Variants in BHLHE40 observed in about 807,000 individuals in gnomAD.
BHLHE40 encodes the protein class E basic helix-loop-helix protein 40.
BHLHE40 carries 3 observed loss-of-function variants against 35.7 expected under a neutral mutation model. The observed-to-expected ratio is 0.08, with a 90% CI of 0.04 to 0.22. The LOEUF (loss-of-function observed/expected upper bound fraction) is 0.22. Ranked by LOEUF, BHLHE40 falls within the 10% of genes least tolerant of loss-of-function variation. BHLHE40 has a pLI of 1.00. For missense variants in BHLHE40, 486 were observed against 524.0 expected (o/e 0.93, Z 0.71); for synonymous variants, 236 against 213.0 (o/e 1.11, Z -0.94).
chr3:4,984,648 C>G lies in BHLHE40; in HGVS notation c.*956C>G. 1 of 152,688 alleles carries G rather than the reference C, an allele frequency of 6.5e-6. No homozygotes were observed. The allele number at this position is 152,688 out of a possible 1,614,324, so 9.5% of individuals were successfully genotyped here. A position where few individuals can be genotyped will look rare whatever the true frequency, so the allele number is the denominator to read the frequency against. The stretch of plus-strand genomic sequence containing the variant: ...CAAGCTTAGCTTCTCAAAGGCCTAA[C>G]CAAGCCTTGGCACCGCCAGATCCTT... On this transcript the variant is annotated 3_prime_UTR_variant, in exon 5 of 5. Transcript: ENST00000256495.
chr3:4,980,094 A>G, intron 2 of BHLHE40, 63 bp downstream of exon 2: 1 of 1,573,354 alleles, frequency 6.4e-7, no homozygotes. Flanking sequence ...GTTTCCAAGA[A>G]AAGTTTTCTC....
At chr3:4,981,700 G>A (rs2053199117) in intron 4 of BHLHE40, 185 bp downstream of exon 4, 1 of 684,238 alleles carries the variant, frequency 1.5e-6, no homozygotes, top group Non-Finnish European at 2.4e-6. Context: ...GTGCCACCTG[G>A]CATGAATACG....
In BHLHE40 at chr3:4,984,096, T is replaced by C. The variant is rs2053226701; in HGVS notation, c.*404T>C. The stretch of plus-strand genomic sequence containing the variant: ...TCAGTTTGGGAGCTGGGTCTGTGGC[T>C]TTGATCAGAAGGTACTTTCAAAAGA... On this transcript the variant is annotated 3_prime_UTR_variant, in exon 5 of 5. Coordinates refer to ENST00000256495, the MANE Select transcript of BHLHE40 (RefSeq NM_003670.3). 6.0e-6 allele frequency: 1 copy of C among 167,100 alleles called. No individual in the cohort carries two copies. The highest frequency in any genetic ancestry group is 2.4e-5 in the African/African-American group (1 of 41,774). The allele number at this position is 167,100 out of a possible 1,614,324, so 10.4% of individuals were successfully genotyped here. A position where few individuals can be genotyped will look rare whatever the true frequency, so the allele number is the denominator to read the frequency against.
In BHLHE40 at chr3:4,983,850, G is replaced by GTATGTGTA; in HGVS notation, c.*159_*160insATGTGTAT. On this transcript the variant is annotated 3_prime_UTR_variant, in exon 5 of 5. Coordinates refer to ENST00000256495, the MANE Select transcript of BHLHE40 (RefSeq NM_003670.3). This position sits in a 1 kb window ranked among gnomAD's most constrained non-coding sequence, Gnocchi z 5.0. Reference sequence around the variant, plus strand: ...TCAGGGTGTGTGTGTGTGTGTGTGTGTGTGTATGTGCGTGTGCGTGCACAT... The same window carrying GTATGTGTA: ...TCAGGGTGTGTGTGTGTGTGTGTGTGTATGTGTATGTGTATGTGCGTGTGCGTGCACAT... The GTATGTGTA allele has an allele frequency of 1.0e-6, 1 of 957,554 alleles. No individual in the cohort carries two copies. Among genetic ancestry groups the GTATGTGTA allele is most frequent in the Non-Finnish European group, 1.5e-6 (1 of 658,124 alleles). The allele number at this position is 957,554 out of a possible 1,614,324, so 59.3% of individuals were successfully genotyped here. A position where few individuals can be genotyped will look rare whatever the true frequency, so the allele number is the denominator to read the frequency against.
Position 4,982,831 on chromosome 3 carries a change from C to T in BHLHE40, c.383-5C>T, listed in dbSNP as rs774521888. 6.2e-7 allele frequency: 1 copy of T among 1,613,632 alleles called. No individual in the cohort carries two copies. The highest frequency in any genetic ancestry group is 8.5e-7 in the Non-Finnish European group (1 of 1,179,914). ...ACGTTTTCCTTCGGATTTTTCTTTC[C>T]CCAGGTGAGCTGTCAGGGAGAAATG... On this transcript the variant is annotated splice_polypyrimidine_tract_variant and splice_region_variant and intron_variant, in intron 4 of 4. Transcript: ENST00000256495.
rs747704238 is a variant in BHLHE40, at chr3:4,983,411, C to G, written c.958C>G (p.Pro320Ala). 6.2e-7 allele frequency: 1 copy of G among 1,614,230 alleles called. No individual in the cohort carries two copies. Among genetic ancestry groups the G allele is most frequent in the Non-Finnish European group, 8.5e-7 (1 of 1,180,042 alleles). Residue 320 changes from proline (P) to alanine (A), a missense_variant, in exon 5 of 5, where the codon CCT becomes GCT. By Grantham distance (27) the Pro-to-Ala change is conservative. Around this residue, in one of 5 missense-constraint regions of BHLHE40, gnomAD observed 206 missense variants for 208.9 expected, o/e 0.99. Coordinates refer to ENST00000256495, the MANE Select transcript of BHLHE40 (RefSeq NM_003670.3). This position sits in a 1 kb window ranked among gnomAD's most constrained non-coding sequence, Gnocchi z 5.0. ...PFLGPHPHQPPFCLPFYLIPP... is the reference protein window; with the variant it reads ...PFLGPHPHQPAFCLPFYLIPP... ...CCTGGGCCCACACCCACACCAGCCTCCTTTCTGCCTGCCCTTCTACCTGAT... is the reference window on the plus strand; with the variant it reads ...CCTGGGCCCACACCCACACCAGCCTGCTTTCTGCCTGCCCTTCTACCTGAT...
Position 4,983,234 on chromosome 3 carries a change from T to C in BHLHE40, c.781T>C (p.Phe261Leu). 6.2e-7 allele frequency: 1 copy of C among 1,614,156 alleles called. No individual in the cohort carries two copies. The highest frequency in any genetic ancestry group is 8.5e-7 in the Non-Finnish European group (1 of 1,180,032). The change falls in exon 5 of 5, where the codon TTC becomes CTC. Residue 261 changes from phenylalanine (F) to leucine (L), a missense_variant. Physicochemically the swap from Phe to Leu is conservative, Grantham distance 22 (BLOSUM62 0). This residue lies in a region of BHLHE40 where 206 missense variants were observed against 208.9 expected (regional missense o/e 0.99). Coordinates refer to ENST00000256495, the MANE Select transcript of BHLHE40 (RefSeq NM_003670.3). This position sits in a 1 kb window ranked among gnomAD's most constrained non-coding sequence, Gnocchi z 5.0. ...KGDLRSEQPC[F>L]KSDHGRRFTM... ...CGACTTGCGCAGTGAGCAGCCGTGC[T>C]TCAAAAGTGACCACGGACGCAGGTT...
Position 4,983,584 on chromosome 3 carries a change from G to A in BHLHE40, c.1131G>A (p.Met377Ile), listed in dbSNP as rs925770295. Residue 377 changes from methionine (M) to isoleucine (I), a missense_variant, in exon 5 of 5, where the codon ATG becomes ATA. Met to Ile is a conservative substitution (Grantham distance 10). Coordinates refer to ENST00000256495, the MANE Select transcript of BHLHE40 (RefSeq NM_003670.3). This position sits in a 1 kb window ranked among gnomAD's most constrained non-coding sequence, Gnocchi z 5.0. ...NPDKISAPLL[M>I]PQRLPSPLPA... The stretch of plus-strand genomic sequence containing the variant: ...ACAAGATCTCGGCTCCCTTGCTCAT[G>A]CCCCAGAGACTCCCTTCTCCCTTGC... The A allele has an allele frequency of 1.7e-5, 27 of 1,613,958 alleles. No individual in the cohort carries two copies. The African/African-American group carries it at 2.0e-4, about 12-fold the overall frequency.
At chr3:4,981,565 G>C in intron 4 of BHLHE40, 50 bp downstream of exon 4, 1 of 1,596,034 alleles carries the variant, frequency 6.3e-7, no homozygotes, top group Non-Finnish European at 8.5e-7. Flanking sequence ...AGTGCAAATA[G>C]AGAGCCCGTG....
chr3:4,984,654 C>T lies in BHLHE40; in HGVS notation c.*962C>T, dbSNP rs1001837553. ...TAGCTTCTCAAAGGCCTAACCAAGC[C>T]TTGGCACCGCCAGATCCTTTCTGTA... On this transcript the variant is annotated 3_prime_UTR_variant, in exon 5 of 5. Coordinates refer to ENST00000256495, the MANE Select transcript of BHLHE40 (RefSeq NM_003670.3). 1 of 152,688 alleles carries T rather than the reference C, an allele frequency of 6.5e-6. No homozygotes were observed. The highest frequency in any genetic ancestry group is 2.4e-5 in the African/African-American group (1 of 41,468). 9.5% of individuals were successfully genotyped at this position (152,688 alleles called of 1,614,324 possible).
Position 4,979,736 on chromosome 3 carries a change from C to G in BHLHE40, c.18C>G (p.Ser6Arg). The change falls in exon 1 of 5, where the codon AGC becomes AGG. Residue 6 changes from serine (S) to arginine (R), a missense_variant. Physicochemically the swap from Ser to Arg is moderately radical, Grantham distance 110. This residue lies in a region of BHLHE40 where 87 missense variants were observed against 66.7 expected (regional missense o/e 1.30). Coordinates refer to ENST00000256495, the MANE Select transcript of BHLHE40 (RefSeq NM_003670.3). MERIP[S>R]AQPPPACLPK... is the part of the protein sequence containing the mutation. ...GCCGCGCCATGGAGCGGATCCCCAG[C>G]GCGCAACCACCCCCCGCCTGCCTGC... 1.3e-6 allele frequency: 2 copies of G among 1,569,100 alleles called. No individual in the cohort carries two copies. The highest frequency in any genetic ancestry group is 1.7e-6 in the Non-Finnish European group (2 of 1,157,244).
Position 4,983,126 on chromosome 3 carries a change from C to T in BHLHE40, c.673C>T (p.Arg225Trp), listed in dbSNP as rs143259396. The change falls in exon 5 of 5, where the codon CGG (arginine) becomes TGG (tryptophan). Residue 225 changes from arginine (R) to tryptophan (W), a missense_variant. Around this residue, in one of 5 missense-constraint regions of BHLHE40, gnomAD observed 176 missense variants for 180.5 expected, o/e 0.98. Transcript: ENST00000256495. This position sits in a 1 kb window ranked among gnomAD's most constrained non-coding sequence, Gnocchi z 5.0. Reference protein sequence around the residue: ...PGKNCVPVIQRTFAHSSGEQS... With the variant: ...PGKNCVPVIQWTFAHSSGEQS... Reference sequence around the variant, plus strand: ...GAAAAACTGCGTGCCAGTCATCCAGCGGACTTTCGCTCACTCGAGTGGGGA... The same window carrying T: ...GAAAAACTGCGTGCCAGTCATCCAGTGGACTTTCGCTCACTCGAGTGGGGA... The T allele has an allele frequency of 3.0e-5, 48 of 1,613,990 alleles. No individual in the cohort carries two copies. In the African/African-American group the frequency reaches 3.9e-4, roughly 13 times the overall value.
Position 4,982,892 on chromosome 3 carries a change from C to A in BHLHE40, c.439C>A (p.Gln147Lys). The A allele has an allele frequency of 6.2e-7, 1 of 1,614,138 alleles. No homozygotes were observed. The highest frequency in any genetic ancestry group is 8.5e-7 in the Non-Finnish European group (1 of 1,180,048). ...TGQEMFCSGF[Q>K]TCAREVLQYL... The stretch of plus-strand genomic sequence containing the variant: ...TCAAGAGATGTTCTGCTCAGGTTTC[C>A]AGACATGTGCCCGGGAGGTGCTTCA... Residue 147 changes from glutamine to lysine, a missense_variant, in exon 5 of 5, where the codon CAG becomes AAG. Physicochemically the swap from Gln to Lys is moderately conservative, Grantham distance 53. This residue lies in a region of BHLHE40 where 176 missense variants were observed against 180.5 expected (regional missense o/e 0.98). Transcript: ENST00000256495.
rs747785156 is a variant in BHLHE40 at position 4,980,038 on chromosome 3, A to T, written c.150+7A>T. On this transcript the variant is annotated splice_region_variant and intron_variant, in intron 2 of 4. Coordinates refer to ENST00000256495, the MANE Select transcript of BHLHE40 (RefSeq NM_003670.3). ...GCGGAGCGAGGACAGCAAGGTAAGC[A>T]AGTGCACCCCTAGGGACCCTGCGCT... 29 of 1,613,988 alleles carry T rather than the reference A, an allele frequency of 1.8e-5. No homozygotes were observed. The South Asian group carries it at 3.0e-4, about 16-fold the overall frequency.
intron 4 of BHLHE40, among the ~76,000 whole-genome samples, chr3:4,981,810 T>C (rs1261091782): frequency 6.6e-6 from 1 of 152,256 alleles, no homozygotes; most frequent in African/African-American, 2.4e-5. Context: ...AAGGCACCTA[T>C]AATTTGCATT....
Position 4,983,896 on chromosome 3 carries a change from A to G in BHLHE40, c.*204A>G. On this transcript the variant is annotated 3_prime_UTR_variant, in exon 5 of 5. Transcript: ENST00000256495. This position sits in a 1 kb window ranked among gnomAD's most constrained non-coding sequence, Gnocchi z 5.0. ...CACATGTGTGCCTGCGTGTTGGTATAGGACTTTAAAGCTCCTTTTGGCATA... is the reference window on the plus strand; with the variant it reads ...CACATGTGTGCCTGCGTGTTGGTATGGGACTTTAAAGCTCCTTTTGGCATA... The G allele has an allele frequency of 1.5e-6, 1 of 669,848 alleles. No individual in the cohort carries two copies. 41.5% of individuals were successfully genotyped at this position (669,848 alleles called of 1,614,324 possible).
At chr3:4,981,278 C>T in intron 3 of BHLHE40, 114 bp from the exon 4 acceptor site, 1 of 1,343,850 alleles carries the variant, frequency 7.4e-7, no homozygotes. Context: ...AAACAGCCAA[C>T]CAGGAAACAC....
intron 1 of BHLHE40, 40 bp downstream of exon 1, chr3:4,979,838 GC>G: frequency 1.3e-6 from 2 of 1,594,624 alleles, no homozygotes; most frequent in Non-Finnish European, 1.7e-6. Flanking sequence ...CTCAACTGCA[GC>G]CCCATGTTAT....
At position 4,982,882 on chromosome 3, in the gene BHLHE40, C is replaced by T; in HGVS notation, c.429C>T (p.Cys143=). 1 of 1,614,192 alleles carries T rather than the reference C, an allele frequency of 6.2e-7. No homozygotes were observed. ...TCGAAACAGGTCAAGAGATGTTCTGCTCAGGTTTCCAGACATGTGCCCGGG... is the reference window on the plus strand; with the variant it reads ...TCGAAACAGGTCAAGAGATGTTCTGTTCAGGTTTCCAGACATGTGCCCGGG... ...RNVETGQEMF[C]SGFQTCAREV... is the part of the protein sequence containing the mutation. Residue 143 remains cysteine, a synonymous_variant, in exon 5 of 5, where the codon TGC becomes TGT. Transcript: ENST00000256495.
Sources: gnomAD v4.1 joint callset for allele counts (sites outside exome capture counted in the v4.1 genomes callset) on GRCh38, gnomAD v4.1.1 for gene constraint, gnomAD v4.1.1 regional missense constraint, Gnocchi (gnomAD v3.1) non-coding constraint, MANE v1.5 for transcripts, NCBI Gene and HGNC (gene_info 2026-07-23, HGNC 2026-07-21) for gene names.